The following ASTN1 variants were observed in gnomAD, a reference collection of about 807,000 sequenced individuals.
ASTN1 encodes astrotactin 1, also known as astrotactin-1.
Under a neutral mutation model 140.7 loss-of-function variants are expected in ASTN1, and 41 were observed. The observed-to-expected ratio is 0.29, with a 90% CI of 0.23 to 0.38. The LOEUF (loss-of-function observed/expected upper bound fraction) is 0.38, where lower values mean the gene tolerates loss of function less well. Ranked by LOEUF, ASTN1 falls within the 10% of genes least tolerant of loss-of-function variation. The probability of loss-of-function intolerance (pLI) is 1.00; values close to 1 mark genes in which losing one functional copy is unlikely to be tolerated. For missense variants in ASTN1, 1,479 were observed against 1,678.8 expected (o/e 0.88, Z 2.08); for synonymous variants, 640 against 652.2 (o/e 0.98, Z 0.29).
intron 8 of ASTN1, among the ~76,000 whole-genome samples, chr1:176,973,833 A>G (rs1032158748): frequency 6.6e-5 from 10 of 152,150 alleles, no homozygotes; most frequent in Non-Finnish European, 1.2e-4. Context: ...GAGTGCTGCC[A>G]TCCCAGCCCA....
At chr1:176,975,068 G>T (rs1673305886) in intron 8 of ASTN1, among the ~76,000 whole-genome samples, 1 of 152,198 alleles carries the variant, frequency 6.6e-6, no homozygotes, top group Admixed American at 6.5e-5. Flanking sequence ...GTCCCCACAT[G>T]GGAGAAGCTT....
chr1:177,066,438 G>A (rs1678358986), intron 1 of ASTN1, among the ~76,000 whole-genome samples: 1 of 152,222 alleles, frequency 6.6e-6, no homozygotes, highest in African/African-American at 2.4e-5. Flanking sequence ...ATCACTTTTA[G>A]ATTAGCCTTA....
At chr1:177,111,261 G>A (rs1246534886) in intron 1 of ASTN1, among the ~76,000 whole-genome samples, 1 of 152,160 alleles carries the variant, frequency 6.6e-6, no homozygotes, top group Non-Finnish European at 1.5e-5. Flanking sequence ...ACATCATTAA[G>A]TAATGGAGCT....
At chr1:177,097,111 C>T (rs1010424642) in intron 1 of ASTN1, among the ~76,000 whole-genome samples, 1 of 151,914 alleles carries the variant, frequency 6.6e-6, no homozygotes, top group African/African-American at 2.4e-5. Flanking sequence ...AAGACAAAAA[C>T]CCAGTTTAGA....
chr1:176,977,868 T>G (rs1673433310), intron 8 of ASTN1, among the ~76,000 whole-genome samples: 2 of 152,138 alleles, frequency 1.3e-5, no homozygotes, highest in South Asian at 4.1e-4. Context: ...GCAGAAGAAC[T>G]AAGGAGAGTC....
At chr1:177,055,810 C>A (rs933102215) in intron 2 of ASTN1, among the ~76,000 whole-genome samples, 1 of 152,156 alleles carries the variant, frequency 6.6e-6, no homozygotes, top group Non-Finnish European at 1.5e-5. Context: ...TACAAATTGA[C>A]CATAAAGATG....
intron 8 of ASTN1, among the ~76,000 whole-genome samples, chr1:177,006,750 T>C (rs1346795572): frequency 1.3e-5 from 2 of 152,196 alleles, no homozygotes; most frequent in Non-Finnish European, 2.9e-5. Flanking sequence ...GTGCCGTGAC[T>C]GGACTAGTCA....
At chr1:176,982,899 T>C (rs954870939) in intron 8 of ASTN1, among the ~76,000 whole-genome samples, 1 of 151,996 alleles carries the variant, frequency 6.6e-6, no homozygotes, top group African/African-American at 2.4e-5. Flanking sequence ...CATGTTTATG[T>C]AAGGTAAGGA....
intron 8 of ASTN1, among the ~76,000 whole-genome samples, chr1:177,013,455 T>C (rs927613328): frequency 6.6e-6 from 1 of 152,202 alleles, no homozygotes; most frequent in Non-Finnish European, 1.5e-5. Context: ...TCTATCCCTT[T>C]ATCATAAATC....
At chr1:177,059,483 A>T (rs1411963364) in intron 2 of ASTN1, among the ~76,000 whole-genome samples, 1 of 152,192 alleles carries the variant, frequency 6.6e-6, no homozygotes, top group East Asian at 1.9e-4. Flanking sequence ...TAATTTGTAA[A>T]TGTAAGTATT....
chr1:176,868,758 T>C, intron 22 of ASTN1, 86 bp downstream of exon 22: 1 of 1,387,726 alleles, frequency 7.2e-7, no homozygotes, highest in Non-Finnish European at 9.7e-7. Context: ...AGGAAATCTC[T>C]ACAACTTCAT....
At chr1:177,107,971 T>C (rs1486595725) in intron 1 of ASTN1, among the ~76,000 whole-genome samples, 1 of 152,128 alleles carries the variant, frequency 6.6e-6, no homozygotes, top group African/African-American at 2.4e-5. Context: ...GCAATCAATT[T>C]AACCAACAGT....
At chr1:177,129,068 G>C (rs902966968) in intron 1 of ASTN1, among the ~76,000 whole-genome samples, 1 of 152,148 alleles carries the variant, frequency 6.6e-6, no homozygotes, top group Non-Finnish European at 1.5e-5. Flanking sequence ...ACCAATAGAT[G>C]AAGATGATAA....
chr1:176,992,382 T>G (rs1387596881), intron 8 of ASTN1, among the ~76,000 whole-genome samples: 1 of 151,728 alleles, frequency 6.6e-6, no homozygotes, highest in Non-Finnish European at 1.5e-5. Context: ...AATATTGAAG[T>G]GACCTTCTGG....
chr1:177,109,165 T>A (rs1680693502), intron 1 of ASTN1, among the ~76,000 whole-genome samples: 1 of 152,148 alleles, frequency 6.6e-6, no homozygotes, highest in African/African-American at 2.4e-5. Flanking sequence ...TATATATAAT[T>A]TAAATGTATT....
At chr1:177,029,867 A>G (rs773928935) in intron 4 of ASTN1, 126 bp from the exon 5 acceptor site, 117 of 909,046 alleles carry the variant, frequency 1.3e-4, no homozygotes, top group Non-Finnish European at 1.9e-4. Context: ...TCTGGGAGAA[A>G]TAGCCAAGGG....
At chr1:176,936,078 C>G (rs1671431409) in intron 15 of ASTN1, 188 bp downstream of exon 15, 3 of 673,782 alleles carry the variant, frequency 4.5e-6, no homozygotes, top group Non-Finnish European at 8.1e-6. Context: ...AATGTAATCT[C>G]TACTTAGAAA....
rs762732722 is a variant in ASTN1, at chr1:176,894,840, C to G, written c.2672-10G>C. On this transcript the variant is annotated splice_polypyrimidine_tract_variant and intron_variant, in intron 16 of 22. Coordinates refer to ENST00000361833, the MANE Select transcript of ASTN1 (RefSeq NM_004319.3). ...TCTGATGGGGAGTTGCCTGCAGACA[C>G]AAAATGGAAAGAAACAGTGAAGGAG... 1.1e-5 allele frequency: 18 copies of G among 1,612,948 alleles called. No individual in the cohort carries two copies. In the South Asian group the frequency reaches 1.9e-4, roughly 17 times the overall value.
intron 16 of ASTN1, among the ~76,000 whole-genome samples, chr1:176,916,438 G>C (rs1435176148): frequency 6.6e-6 from 1 of 152,168 alleles, no homozygotes; most frequent in Non-Finnish European, 1.5e-5. Flanking sequence ...AAGTCAGCCA[G>C]TTTAATGTCT....
Sources: allele counts gnomAD v4.1 joint callset (sites outside exome capture counted in the v4.1 genomes callset), GRCh38; gene constraint gnomAD v4.1.1; transcripts MANE v1.5; gene names NCBI Gene and HGNC (gene_info 2026-07-23, HGNC 2026-07-21).